The following SIRPA variants were observed in gnomAD, a reference collection of about 807,000 sequenced individuals.
The protein encoded by SIRPA is signal regulatory protein alpha.
A neutral mutation model predicts 50.3 loss-of-function variants in SIRPA; 9 were observed. The observed-to-expected ratio is 0.18, with a 90% CI of 0.11 to 0.31. The LOEUF (loss-of-function observed/expected upper bound fraction) is 0.31. SIRPA is among the 10% of genes least tolerant of loss of function. The pLI is 1.00. For missense variants in SIRPA, 474 were observed against 661.6 expected (o/e 0.72, Z 3.11); for synonymous variants, 265 against 284.1 (o/e 0.93, Z 0.68).
chr20:1,916,640 T>G (rs1187083978), intron 2 of SIRPA, among the ~76,000 whole-genome samples: 1 of 152,332 alleles, frequency 6.6e-6, no homozygotes, highest in East Asian at 1.9e-4. Flanking sequence ...TACTGAGATT[T>G]CATATCAGGA....
At chr20:1,903,710 G>A (rs1231469020) in intron 1 of SIRPA, among the ~76,000 whole-genome samples, 4 of 152,176 alleles carry the variant, frequency 2.6e-5, no homozygotes, top group South Asian at 2.1e-4. Flanking sequence ...TCTCTTCTAC[G>A]GGAGCATCTT....
At chr20:1,904,107 C>G (rs1422204729) in intron 1 of SIRPA, among the ~76,000 whole-genome samples, 1 of 152,172 alleles carries the variant, frequency 6.6e-6, no homozygotes, top group Non-Finnish European at 1.5e-5. Flanking sequence ...TATTCCCTAA[C>G]TACCACAGTC....
rs113822048 is a variant in SIRPA, at chr20:1,928,401, G to A, written c.1226+502G>A. On this transcript the variant is annotated intron_variant, in intron 6 of 7. Coordinates refer to ENST00000358771, the MANE Select transcript of SIRPA (RefSeq NM_001040023.2). The surrounding 1 kb of genome is among the most constrained non-coding windows in gnomAD (Gnocchi z 4.9). Reference sequence around the variant, plus strand: ...CGGTGACATTACATCACTGATGTACGTCACCGATGGCACTTTAGTTTGTTG... The same window carrying A: ...CGGTGACATTACATCACTGATGTACATCACCGATGGCACTTTAGTTTGTTG... 4.4e-4 allele frequency among the ~76,000 whole-genome samples: 67 copies of A among 152,280 alleles called. No individual in the cohort carries two copies. The highest frequency in any genetic ancestry group is 1.1e-3 in the African/African-American group (46 of 41,558).
intron 1 of SIRPA, among the ~76,000 whole-genome samples, chr20:1,900,694 C>T (rs932091768): frequency 2.0e-5 from 3 of 152,242 alleles, no homozygotes; most frequent in South Asian, 4.1e-4. Context: ...CGCCAAGCCT[C>T]CTGTGGTCCA....
In SIRPA at chr20:1,940,556, C is replaced by G. The variant is rs1339486667; in HGVS notation, c.*2988C>G. 1 of 152,158 alleles carries G rather than the reference C, an allele frequency of 6.6e-6. No homozygotes were observed. Among genetic ancestry groups the G allele is most frequent in the Non-Finnish European group, 1.5e-5 (1 of 68,042 alleles). 9.4% of individuals were successfully genotyped at this position (152,158 alleles called of 1,614,324 possible). On this transcript the variant is annotated 3_prime_UTR_variant, in exon 8 of 8. Coordinates refer to ENST00000358771, the MANE Select transcript of SIRPA (RefSeq NM_001040023.2). The stretch of plus-strand genomic sequence containing the variant: ...CATTAGATCATTAATGATATTAGTG[C>G]TAATTATGTAATAAAGTTAAGGCAT...
At chr20:1,913,928 G>C (rs1241822628) in intron 1 of SIRPA, among the ~76,000 whole-genome samples, 1 of 152,180 alleles carries the variant, frequency 6.6e-6, no homozygotes, top group East Asian at 1.9e-4. Context: ...GTGTGCCCCA[G>C]TGTCTCTGAT....
chr20:1,922,137 G>A lies in SIRPA; in HGVS notation c.755-176G>A, dbSNP rs62192719. On this transcript the variant is annotated intron_variant, in intron 3 of 7. Transcript: ENST00000358771. ...CTTGAGCACCTACTGTGTGCTGGGC[G>A]TTGTGCTTAGTAATTTCATTCATAT... Among the ~76,000 whole-genome samples the A allele has an allele frequency of 8.1e-3, 1,232 of 152,302 alleles. 11 individuals carry two copies. The highest frequency in any genetic ancestry group is 0.058 in the Middle Eastern group (17 of 294).
intron 1 of SIRPA, among the ~76,000 whole-genome samples, chr20:1,913,885 C>T (rs1985056664): frequency 6.6e-6 from 1 of 152,168 alleles, no homozygotes; most frequent in Non-Finnish European, 1.5e-5. Context: ...TCCCCCCGTG[C>T]ACCCCAATCT....
Position 1,927,722 on chromosome 20 carries a change from TG to T in SIRPA, c.1202-150del, listed in dbSNP as rs1278411166. 1.3e-5 allele frequency among the ~76,000 whole-genome samples: 2 copies of T among 152,196 alleles called. No homozygotes were observed. The highest frequency in any genetic ancestry group is 4.8e-5 in the African/African-American group (2 of 41,450). On this transcript the variant is annotated intron_variant, in intron 5 of 7. Coordinates refer to ENST00000358771, the MANE Select transcript of SIRPA (RefSeq NM_001040023.2). This position sits in a 1 kb window ranked among gnomAD's most constrained non-coding sequence, Gnocchi z 6.5. ...TTCCTTGGTGGAAGAGGATGCCCAC[TG>T]GGTGGGCATGGGGGTCTCCTGTGGT... is the stretch of plus-strand genomic sequence containing the variant.
rs6136393 is a variant in SIRPA, at chr20:1,922,455, C to G, written c.897C>G (p.Ala299=). 1 of 1,614,222 alleles carries G rather than the reference C, an allele frequency of 6.2e-7. No individual in the cohort carries two copies. Among genetic ancestry groups the G allele is most frequent in the Admixed American group, 1.7e-5 (1 of 60,034 alleles). ...ENGNVSRTET[A]STVTENKDGT... ...GAAACGTGTCCCGGACAGAAACGGC[C>G]TCAACCGTTACAGAGAACAAGGATG... The change falls in exon 4 of 8, where the codon GCC becomes GCG. Residue 299 remains alanine (A), a synonymous_variant. Coordinates refer to ENST00000358771, the MANE Select transcript of SIRPA (RefSeq NM_001040023.2).
chr20:1,920,427 G>C (rs1291175925), intron 2 of SIRPA, among the ~76,000 whole-genome samples: 1 of 152,180 alleles, frequency 6.6e-6, no homozygotes, highest in East Asian at 1.9e-4. Context: ...TAGCAATTTG[G>C]AGACACGTTT....
In SIRPA at chr20:1,914,823, C is replaced by T. The variant is rs1985132511; in HGVS notation, c.80-276C>T. Among the ~76,000 whole-genome samples, 6 of 111,592 alleles carry T rather than the reference C, an allele frequency of 5.4e-5. No individual in the cohort carries two copies. The South Asian group carries it at 1.9e-3, about 35-fold the overall frequency. The allele number at this position is 111,592 out of a possible 152,430, so 73.2% of individuals were successfully genotyped here. A position where few individuals can be genotyped will look rare whatever the true frequency, so the allele number is the denominator to read the frequency against. On this transcript the variant is annotated intron_variant, in intron 1 of 7. Transcript: ENST00000358771. ...TCTGGCTCATTCAGATTAGAATTAG[C>T]CCAGCTCAGATGTGACTCTTCCAGA...
chr20:1,917,222 G>A (rs1226003077), intron 2 of SIRPA, among the ~76,000 whole-genome samples: 1 of 152,160 alleles, frequency 6.6e-6, no homozygotes, highest in Non-Finnish European at 1.5e-5. Context: ...AAGTACTTAT[G>A]AAGGAAGAGC....
Position 1,937,577 on chromosome 20 carries a change from G to A in SIRPA, c.*9G>A, listed in dbSNP as rs748320579. ...AGGTCCCGAGGAAGTGAATGGGACC[G>A]TGGTTTGCTCTAGCACCCATCTCTA... is the stretch of plus-strand genomic sequence containing the variant. On this transcript the variant is annotated 3_prime_UTR_variant, in exon 8 of 8. Coordinates refer to ENST00000358771, the MANE Select transcript of SIRPA (RefSeq NM_001040023.2). This position sits in a 1 kb window ranked among gnomAD's most constrained non-coding sequence, Gnocchi z 8.3. 75 of 1,613,604 alleles carry A rather than the reference G, an allele frequency of 4.6e-5. No individual in the cohort carries two copies. Among genetic ancestry groups the A allele is most frequent in the Middle Eastern group, 3.3e-4 (2 of 6,084 alleles).
chr20:1,895,392 C>T, upstream of SIRPA: 1 of 1,085,452 alleles, frequency 9.2e-7, no homozygotes, highest in Non-Finnish European at 1.2e-6. Context: ...CCAGCCTGCT[C>T]CCGCCCGAGC....
chr20:1,894,746 C>T, upstream of SIRPA: 1 of 148,388 alleles, frequency 6.7e-6, no homozygotes. The surrounding 1 kb of genome is among the most constrained non-coding windows in gnomAD (Gnocchi z 4.0). Context: ...CAGCTCGCAG[C>T]CCTCGCTCCC....
intron 2 of SIRPA, among the ~76,000 whole-genome samples, chr20:1,916,078 A>G (rs1985269506): frequency 1.3e-5 from 2 of 152,200 alleles, no homozygotes; most frequent in South Asian, 4.1e-4. Flanking sequence ...TTAGAAAAAC[A>G]CTTGTGTGAT....
rs869181595 is a variant in SIRPA, at chr20:1,901,163, C to CTTTTTTTTTTTTT, written c.79+5650_79+5662dup. ...TTGTTTTTTCTTCCTTTCTTTCTTTCTTTTTTTTTTTTTTTTTTTTTTTTT... is the reference window on the plus strand; with the variant it reads ...TTGTTTTTTCTTCCTTTCTTTCTTTCTTTTTTTTTTTTTTTTTTTTTTTTTTTTTTTTTTTTTT... On this transcript the variant is annotated intron_variant, in intron 1 of 7. Coordinates refer to ENST00000358771, the MANE Select transcript of SIRPA (RefSeq NM_001040023.2). Among the ~76,000 whole-genome samples the CTTTTTTTTTTTTT allele has an allele frequency of 2.2e-3, 173 of 78,890 alleles. 1 individual carries two copies. Among genetic ancestry groups the CTTTTTTTTTTTTT allele is most frequent in the Non-Finnish European group, 2.5e-3 (112 of 44,270 alleles). 51.8% of individuals were successfully genotyped at this position (78,890 alleles called of 152,430 possible).
intron 1 of SIRPA, among the ~76,000 whole-genome samples, chr20:1,900,515 A>G (rs186024959): frequency 1.3e-5 from 2 of 152,188 alleles, no homozygotes; most frequent in Admixed American, 6.5e-5. Context: ...AGGTGTCTCT[A>G]TCTGGATCCA....
Sources: gnomAD v4.1 joint callset for allele counts (sites outside exome capture counted in the v4.1 genomes callset) on GRCh38, gnomAD v4.1.1 for gene constraint, Gnocchi (gnomAD v3.1) non-coding constraint, MANE v1.5 for transcripts, NCBI Gene and HGNC (gene_info 2026-07-23, HGNC 2026-07-21) for gene names.